Variants in CFDP1 observed in about 807,000 individuals in gnomAD.
CFDP1 encodes the protein heterochromatin-stabilizing protein CFDP1.
In CFDP1, 31 loss-of-function variants were observed where a neutral mutation model predicts 40.1. The observed-to-expected ratio is 0.77, with a 90% CI of 0.58 to 1.04. The LOEUF (loss-of-function observed/expected upper bound fraction) is 1.04, where lower values mean the gene tolerates loss of function less well. CFDP1 is among the 50% of genes least tolerant of loss of function. The pLI is 0.00. For missense variants in CFDP1, 423 were observed against 343.4 expected (o/e 1.23, Z -1.83); for synonymous variants, 167 against 120.0 (o/e 1.39, Z -2.56).
intron 1 of CFDP1, among the ~76,000 whole-genome samples, chr16:75,422,396 C>CTT (rs765465924): frequency 4.9e-4 from 64 of 129,462 alleles, no homozygotes; most frequent in African/African-American, 1.4e-3. Flanking sequence ...CGTATGGCCT[C>CTT]TTTTTTTTTT....
chr16:75,382,376 T>C (rs866332569), intron 5 of CFDP1, among the ~76,000 whole-genome samples: 8 of 152,330 alleles, frequency 5.3e-5, no homozygotes, highest in African/African-American at 1.7e-4. Context: ...TCAAAGGGTT[T>C]AAAAAATATA....
chr16:75,368,798 C>T (rs1007297403), intron 5 of CFDP1, among the ~76,000 whole-genome samples: 5 of 152,022 alleles, frequency 3.3e-5, no homozygotes, highest in African/African-American at 9.7e-5. Flanking sequence ...CTACGCCCAG[C>T]TAATCTGTGC....
intron 5 of CFDP1, among the ~76,000 whole-genome samples, chr16:75,370,548 A>G (rs1014830141): frequency 6.6e-6 from 1 of 152,112 alleles, no homozygotes; most frequent in Non-Finnish European, 1.5e-5. Context: ...CTAGAACTTA[A>G]AGTATAATAA....
intron 4 of CFDP1, 38 bp from the exon 5 acceptor site, chr16:75,395,247 A>C (rs2078986758): frequency 1.9e-6 from 3 of 1,604,808 alleles, no homozygotes; most frequent in Middle Eastern, 1.7e-4. Flanking sequence ...TACAAGAAGA[A>C]TAAAGAGAAA....
At chr16:75,352,709 G>A (rs1300351259) in intron 5 of CFDP1, among the ~76,000 whole-genome samples, 1 of 152,088 alleles carries the variant, frequency 6.6e-6, no homozygotes, top group Non-Finnish European at 1.5e-5. Flanking sequence ...ACTACTCTGA[G>A]TACCCATACA....
At chr16:75,300,614 G>C (rs1392295557) in intron 6 of CFDP1, among the ~76,000 whole-genome samples, 1 of 152,148 alleles carries the variant, frequency 6.6e-6, no homozygotes, top group Non-Finnish European at 1.5e-5. Context: ...CAGTAGGGTA[G>C]ACAGTGATGT....
intron 5 of CFDP1, among the ~76,000 whole-genome samples, chr16:75,366,413 G>A (rs979136831): frequency 1.3e-5 from 2 of 152,080 alleles, no homozygotes; most frequent in African/African-American, 4.8e-5. Flanking sequence ...GGCTGAGGCA[G>A]GCAGCTCAGT....
chr16:75,346,379 C>T (rs1006893023), intron 5 of CFDP1, among the ~76,000 whole-genome samples: 5 of 151,862 alleles, frequency 3.3e-5, no homozygotes, highest in Non-Finnish European at 5.9e-5. Context: ...GTCAGGAGAT[C>T]GAGACCATCC....
chr16:75,382,061 G>A (rs1178256365), intron 5 of CFDP1, among the ~76,000 whole-genome samples: 1 of 151,374 alleles, frequency 6.6e-6, no homozygotes, highest in African/African-American at 2.4e-5. Flanking sequence ...GTTGTAGTGA[G>A]CTGAGATCTT....
rs1397942407 is a variant in CFDP1 at position 75,414,612 on chromosome 16, C to T, written c.148G>A (p.Gly50Arg). 6.2e-7 allele frequency: 1 copy of T among 1,613,558 alleles called. No homozygotes were observed. The highest frequency in any genetic ancestry group is 8.5e-7 in the Non-Finnish European group (1 of 1,179,728). The change falls in exon 2 of 7, where the codon GGG becomes AGG. Residue 50 changes from glycine to arginine, a missense_variant. By Grantham distance (125) the Gly-to-Arg change is moderately radical. Transcript: ENST00000283882. ...DGEEQTQKTQ[G>R]KKRKAQSIPA... ...ATGCTCTGGGCCTTTCTTTTTTTCC[C>T]TTGGGTTTTCTGTGTCTGCTCTTCA...
Position 75,412,664 on chromosome 16 carries a change from A to G in CFDP1, c.273T>C (p.Asp91=), listed in dbSNP as rs745913916. The G allele has an allele frequency of 1.2e-6, 2 of 1,614,114 alleles. No homozygotes were observed. Among genetic ancestry groups the G allele is most frequent in the South Asian group, 1.1e-5 (1 of 91,086 alleles). ...TGCCTTTTTCCTGCTCTGCAGCGTC[A>G]TCTTCCTCCTCACTACTGCTTCCCT... The part of the protein sequence containing the change: ...ESEGSSSEEE[D]DAAEQEKGIG... The change falls in exon 3 of 7, where the codon GAT becomes GAC. Residue 91 remains aspartate, a synonymous_variant. Transcript: ENST00000283882.
At chr16:75,314,345 C>T (rs971607641) in intron 5 of CFDP1, among the ~76,000 whole-genome samples, 13 of 152,192 alleles carry the variant, frequency 8.5e-5, no homozygotes, top group African/African-American at 2.4e-4. Context: ...GAAAACATTA[C>T]GTTAAGCGAG....
intron 1 of CFDP1, among the ~76,000 whole-genome samples, chr16:75,431,168 T>C (rs776338441): frequency 1.2e-4 from 18 of 150,964 alleles, no homozygotes; most frequent in Non-Finnish European, 2.4e-4. Flanking sequence ...AAAAAAACAC[T>C]GGGCCTGGCA....
chr16:75,322,105 T>A (rs571858473), intron 5 of CFDP1, among the ~76,000 whole-genome samples: 46 of 152,364 alleles, frequency 3.0e-4, no homozygotes, highest in African/African-American at 1.1e-3. Flanking sequence ...GTTACAGGCG[T>A]GAGCCACCGC....
intron 5 of CFDP1, among the ~76,000 whole-genome samples, chr16:75,332,617 T>C (rs953761196): frequency 2.0e-5 from 3 of 151,780 alleles, no homozygotes; most frequent in South Asian, 4.2e-4. Flanking sequence ...CAGTGAACCA[T>C]GATTGCACCA....
chr16:75,412,387 A>G (rs563316303), intron 3 of CFDP1, 148 bp downstream of exon 3: 2 of 719,360 alleles, frequency 2.8e-6, no homozygotes, highest in Non-Finnish European at 4.9e-6. Flanking sequence ...TGATTAGAGA[A>G]GCTTATTCTC....
chr16:75,352,953 G>A (rs984744586), intron 5 of CFDP1, among the ~76,000 whole-genome samples: 3 of 152,052 alleles, frequency 2.0e-5, no homozygotes, highest in Non-Finnish European at 2.9e-5. Flanking sequence ...ATTGTCTTCC[G>A]ATAAAACTAC....
intron 1 of CFDP1, among the ~76,000 whole-genome samples, chr16:75,428,365 C>T (rs1397728906): frequency 1.3e-5 from 2 of 152,074 alleles, no homozygotes; most frequent in Non-Finnish European, 2.9e-5. Flanking sequence ...CCTGTAATCC[C>T]AGCACTTTGG....
At chr16:75,407,086 T>G (rs970018558) in intron 4 of CFDP1, among the ~76,000 whole-genome samples, 2 of 152,110 alleles carry the variant, frequency 1.3e-5, no homozygotes, top group African/African-American at 4.8e-5. Flanking sequence ...GATGTTCACT[T>G]GGGAGGCTGT....
Sources: allele counts gnomAD v4.1 joint callset (sites outside exome capture counted in the v4.1 genomes callset), GRCh38; gene constraint gnomAD v4.1.1; transcripts MANE v1.5; gene names NCBI Gene and HGNC (gene_info 2026-07-23, HGNC 2026-07-21).